The following KCNQ3 variants were observed in gnomAD, a reference collection of about 807,000 sequenced individuals.
The protein encoded by KCNQ3 is potassium voltage-gated channel subfamily Q member 3.
A neutral mutation model predicts 92.5 loss-of-function variants in KCNQ3; 30 were observed. The ratio of observed to expected loss-of-function variants is 0.32; its 90% CI spans 0.24 to 0.44. The LOEUF (loss-of-function observed/expected upper bound fraction) is 0.44. Among genes scored for constraint, KCNQ3 ranks in the 20% least tolerant of loss-of-function variants. The pLI is 1.00. For synonymous variants in KCNQ3, 450 were observed against 468.8 expected, an observed-to-expected ratio of 0.96 and a Z score of 0.52; for missense variants, 913 against 1,140.3, an observed-to-expected ratio of 0.80 and a Z score of 2.87.
At chr8:132,389,689 C>T (rs1819997357) in intron 1 of KCNQ3, among the ~76,000 whole-genome samples, 1 of 152,172 alleles carries the variant, frequency 6.6e-6, no homozygotes, top group African/African-American at 2.4e-5. Flanking sequence ...ACCCCAGAAG[C>T]CACTGGGGAA....
chr8:132,385,646 T>C (rs1279283175), intron 1 of KCNQ3, among the ~76,000 whole-genome samples: 1 of 152,088 alleles, frequency 6.6e-6, no homozygotes. Context: ...CACCATGGAA[T>C]GATGCAGTAA....
chr8:132,309,391 T>C (rs191848886), intron 1 of KCNQ3, among the ~76,000 whole-genome samples: 41 of 152,384 alleles, frequency 2.7e-4, no homozygotes, highest in African/African-American at 9.1e-4. Context: ...CCAGGGGCTA[T>C]TCTCTGCCTT....
intron 1 of KCNQ3, among the ~76,000 whole-genome samples, chr8:132,224,478 A>G (rs1256516181): frequency 1.3e-5 from 2 of 151,854 alleles, no homozygotes; most frequent in Non-Finnish European, 2.9e-5. Flanking sequence ...CTTCCTTGTT[A>G]CTCCCTAATT....
At chr8:132,395,037 A>C (rs896318600) in intron 1 of KCNQ3, among the ~76,000 whole-genome samples, 1 of 152,238 alleles carries the variant, frequency 6.6e-6, no homozygotes, top group African/African-American at 2.4e-5. Flanking sequence ...TAGAGCACCC[A>C]GATGGGAGTG....
At chr8:132,176,445 G>T (rs1333715886) in intron 4 of KCNQ3, among the ~76,000 whole-genome samples, 1 of 152,128 alleles carries the variant, frequency 6.6e-6, no homozygotes, top group Non-Finnish European at 1.5e-5. Context: ...AGTAGGTTGG[G>T]CAGGAAGAAA....
chr8:132,391,684 T>C (rs1820050680), intron 1 of KCNQ3, among the ~76,000 whole-genome samples: 1 of 151,932 alleles, frequency 6.6e-6, no homozygotes, highest in Non-Finnish European at 1.5e-5. Flanking sequence ...GAAAACATCT[T>C]CCCCCTCCCA....
At chr8:132,468,117 T>C (rs766059601) in intron 1 of KCNQ3, among the ~76,000 whole-genome samples, 1 of 152,240 alleles carries the variant, frequency 6.6e-6, no homozygotes, top group Non-Finnish European at 1.5e-5. Context: ...TTAGTGTGAT[T>C]AGACTTGCTG....
intron 5 of KCNQ3, 81 bp downstream of exon 5, chr8:132,175,372 C>T (rs1826513363): frequency 7.4e-6 from 11 of 1,490,326 alleles, no homozygotes; most frequent in East Asian, 2.3e-5. Flanking sequence ...CCTGGCTGAA[C>T]ATGCTCATGT....
intron 1 of KCNQ3, among the ~76,000 whole-genome samples, chr8:132,384,903 C>T (rs1363555875): frequency 6.6e-6 from 1 of 152,328 alleles, no homozygotes; most frequent in East Asian, 1.9e-4. Flanking sequence ...GGATAATCCA[C>T]ATGCAATGCT....
intron 1 of KCNQ3, among the ~76,000 whole-genome samples, chr8:132,443,386 T>G (rs1219710714): frequency 6.6e-6 from 1 of 151,552 alleles, no homozygotes; most frequent in East Asian, 1.9e-4. Context: ...GCTTCTTTAA[T>G]TGGGTAGTTT....
At chr8:132,131,276 T>C (rs76014624) in intron 14 of KCNQ3, among the ~76,000 whole-genome samples, 7,804 of 152,328 alleles carry the variant, frequency 0.051, 241 homozygotes, top group Non-Finnish European at 0.072. Flanking sequence ...ACAAAAGGAT[T>C]ACTATGATCC....
intron 1 of KCNQ3, among the ~76,000 whole-genome samples, chr8:132,345,428 G>A (rs1315884468): frequency 3.3e-5 from 5 of 152,228 alleles, no homozygotes; most frequent in Non-Finnish European, 5.9e-5. Context: ...TGCAAGGCCT[G>A]CATGAGGCAC....
chr8:132,340,825 T>C (rs760465878), intron 1 of KCNQ3, among the ~76,000 whole-genome samples: 3 of 152,204 alleles, frequency 2.0e-5, no homozygotes, highest in Admixed American at 6.5e-5. Context: ...AAGAGCAGCC[T>C]AGATTTTAAG....
intron 3 of KCNQ3, among the ~76,000 whole-genome samples, chr8:132,183,321 G>C (rs1826854271): frequency 1.3e-5 from 2 of 152,150 alleles, no homozygotes; most frequent in Non-Finnish European, 2.9e-5. Flanking sequence ...AAGAGTGTCA[G>C]AGGAGTTAAA....
At chr8:132,381,834 C>G (rs1489136812) in intron 1 of KCNQ3, among the ~76,000 whole-genome samples, 1 of 152,218 alleles carries the variant, frequency 6.6e-6, no homozygotes, top group Non-Finnish European at 1.5e-5. Flanking sequence ...ACCTTGTACA[C>G]CAGGGGATCA....
At chr8:132,300,523 G>C (rs1008842822) in intron 1 of KCNQ3, among the ~76,000 whole-genome samples, 4 of 152,244 alleles carry the variant, frequency 2.6e-5, no homozygotes, top group Admixed American at 1.3e-4. Flanking sequence ...AACCTTTCAG[G>C]GTTTTGAGAT....
chr8:132,353,093 G>T (rs934774017), intron 1 of KCNQ3, among the ~76,000 whole-genome samples: 3 of 152,178 alleles, frequency 2.0e-5, no homozygotes, highest in African/African-American at 7.2e-5. Context: ...AGGCATGGTG[G>T]TGGGCGCCTG....
rs565612376 is a variant in KCNQ3 at position 132,168,775 on chromosome 8, GTGTGTT to G, written c.1235+1553_1235+1558del. ...TGTGTGTGTGTGTGTGTGTGTGTGT[GTGTGTT>G]TGCAGAGGAGTTGTGGCTGGGCACA... On this transcript the variant is annotated intron_variant, in intron 8 of 14. Coordinates refer to ENST00000388996, the MANE Select transcript of KCNQ3 (RefSeq NM_004519.4). Among the ~76,000 whole-genome samples, 15 of 91,372 alleles carry G rather than the reference GTGTGTT, an allele frequency of 1.6e-4. 1 individual carries two copies. In the East Asian group the frequency reaches 3.3e-3, roughly 20 times the overall value. The allele number at this position is 91,372 out of a possible 152,430, so 59.9% of individuals were successfully genotyped here.
At chr8:132,342,784 A>C (rs1268920308) in intron 1 of KCNQ3, among the ~76,000 whole-genome samples, 1 of 152,328 alleles carries the variant, frequency 6.6e-6, no homozygotes, top group East Asian at 1.9e-4. Context: ...TTTTACAATA[A>C]ATGTGTTTCA....
Sources: gnomAD v4.1 joint callset for allele counts (sites outside exome capture counted in the v4.1 genomes callset) on GRCh38, gnomAD v4.1.1 for gene constraint, MANE v1.5 for transcripts, NCBI Gene and HGNC (gene_info 2026-07-23, HGNC 2026-07-21) for gene names.